The following WDR93 variants were observed in gnomAD, a reference collection of about 807,000 sequenced individuals.
The protein encoded by WDR93 is WD repeat-containing protein 93.
WDR93 carries 73 observed loss-of-function variants against 82.9 expected under a neutral mutation model. That is an observed-to-expected ratio of 0.88 (90% CI 0.73 to 1.07). The LOEUF (loss-of-function observed/expected upper bound fraction) is 1.07, where lower values mean the gene tolerates loss of function less well. Ranked by LOEUF, WDR93 falls within the 50% of genes least tolerant of loss-of-function variation. WDR93 has a pLI of 0.00. For synonymous variants in WDR93, 283 were observed against 300.1 expected (o/e 0.94, Z 0.59); for missense variants, 738 against 826.0 (o/e 0.89, Z 1.31).
intron 1 of WDR93, among the ~76,000 whole-genome samples, chr15:89,696,958 A>AGTTTGTTTGTTT (rs34170578): frequency 2.7e-4 from 40 of 150,736 alleles, no homozygotes; most frequent in African/African-American, 6.8e-4. Flanking sequence ...TAGTATTGTC[A>AGTTTGTTTGTTT]GTTTGTTTGT....
At chr15:89,709,965 C>T (rs1435292892) in intron 4 of WDR93, among the ~76,000 whole-genome samples, 1 of 152,004 alleles carries the variant, frequency 6.6e-6, no homozygotes, top group African/African-American at 2.4e-5. Context: ...ACAAGACCAT[C>T]CTGGCTAACA....
At position 89,719,808 on chromosome 15, in the gene WDR93, C is replaced by CTT. The variant is rs570342709; in HGVS notation, c.796-2238_796-2237dup. On this transcript the variant is annotated intron_variant, in intron 7 of 16. Coordinates refer to ENST00000268130, the MANE Select transcript of WDR93 (RefSeq NM_020212.2). ...CTTTCTTTCTTTTTCTTCTTTTTTT[C>CTT]TTTTTTTTTTGAGATGGAATCTCGC... Among the ~76,000 whole-genome samples the CTT allele has an allele frequency of 9.4e-4, 136 of 144,840 alleles. 1 individual carries two copies. The highest frequency in any genetic ancestry group is 3.2e-3 in the African/African-American group (125 of 39,568).
intron 5 of WDR93, among the ~76,000 whole-genome samples, chr15:89,714,617 C>T (rs992246006): frequency 3.3e-5 from 5 of 152,154 alleles, no homozygotes; most frequent in Non-Finnish European, 5.9e-5. Context: ...CCGCCATGCC[C>T]GGCCCCATAT....
In WDR93 at chr15:89,702,983, CA is replaced by C. The variant is rs1567099919; in HGVS notation, c.339del (p.Asp114ThrfsTer40). 6.2e-7 allele frequency: 1 copy of C among 1,614,114 alleles called. No individual in the cohort carries two copies. The highest frequency in any genetic ancestry group is 1.1e-5 in the South Asian group (1 of 91,072). On this transcript the variant is annotated frameshift_variant, in exon 3 of 17. Transcript: ENST00000268130. LOFTEE classifies it high-confidence loss of function. ...AATGCCAAATTGTATGGCTGTTTCC[CA>C]AGACTATGTGTTTATTGGAGGAGCC... The part of the protein sequence containing the change: ...NKMPNCMAVS[Q>X]DYVFIGGAKG...
Position 89,703,077 on chromosome 15 carries a change from A to G in WDR93, c.431A>G (p.Asp144Gly). The G allele has an allele frequency of 6.2e-7, 1 of 1,614,178 alleles. No individual in the cohort carries two copies. Among genetic ancestry groups the G allele is most frequent in the African/African-American group, 1.3e-5 (1 of 75,038 alleles). Reference protein sequence around the residue: ...QIYAWEKLKVDVTSIWATDLG... With the variant: ...QIYAWEKLKVGVTSIWATDLG... The stretch of plus-strand genomic sequence containing the variant: ...TATGCGTGGGAGAAGCTTAAGGTTG[A>G]TGTCACTTCCATCTGGGCCACAGAT... The change falls in exon 3 of 17, where the codon GAT (aspartate) becomes GGT (glycine). Residue 144 changes from aspartate (D) to glycine (G), a missense_variant. Coordinates refer to ENST00000268130, the MANE Select transcript of WDR93 (RefSeq NM_020212.2).
chr15:89,726,556 G>A (rs1596107932), intron 8 of WDR93, among the ~76,000 whole-genome samples: 1 of 152,126 alleles, frequency 6.6e-6, no homozygotes, highest in African/African-American at 2.4e-5. Flanking sequence ...TGAAACTCAG[G>A]GTGCAAATCC....
At chr15:89,710,487 T>C (rs1432892538) in intron 4 of WDR93, among the ~76,000 whole-genome samples, 1 of 152,200 alleles carries the variant, frequency 6.6e-6, no homozygotes, top group Non-Finnish European at 1.5e-5. Context: ...TAACGTCCTA[T>C]ACCTTGACAG....
chr15:89,695,813 CTTT>C (rs58664153), intron 1 of WDR93, among the ~76,000 whole-genome samples: 4 of 99,322 alleles, frequency 4.0e-5, no homozygotes, highest in Admixed American at 1.3e-4. Flanking sequence ...TCATGCTGTC[CTTT>C]TTTTTTTTTT....
At chr15:89,706,629 T>G (rs1965740020) in intron 4 of WDR93, among the ~76,000 whole-genome samples, 1 of 152,190 alleles carries the variant, frequency 6.6e-6, no homozygotes, top group Non-Finnish European at 1.5e-5. Flanking sequence ...TGATAGAGAT[T>G]TTAGATCTAA....
chr15:89,743,218 G>C, intron 16 of WDR93, 74 bp from the exon 17 acceptor site: 5 of 1,439,802 alleles, frequency 3.5e-6, no homozygotes, highest in Non-Finnish European at 4.9e-6. Flanking sequence ...CAGGGTAGTC[G>C]AGGTCTGCCC....
At chr15:89,742,261 A>G (rs1967739052) in intron 16 of WDR93, among the ~76,000 whole-genome samples, 1 of 152,142 alleles carries the variant, frequency 6.6e-6, no homozygotes, top group African/African-American at 2.4e-5. Flanking sequence ...TAATTAAATT[A>G]ATTAAAATCT....
intron 1 of WDR93, 96 bp from the exon 2 acceptor site, chr15:89,701,611 G>A: frequency 9.6e-7 from 1 of 1,037,486 alleles, no homozygotes; most frequent in Non-Finnish European, 1.4e-6. Context: ...TGTGGAATAA[G>A]CAGTCCCTAT....
intron 7 of WDR93, among the ~76,000 whole-genome samples, chr15:89,720,076 G>A (rs939982227): frequency 6.6e-6 from 1 of 151,980 alleles, no homozygotes; most frequent in African/African-American, 2.4e-5. Context: ...TGGGATTATA[G>A]GCCTGAGCAC....
chr15:89,739,619 T>C (rs1164328067), intron 16 of WDR93, among the ~76,000 whole-genome samples: 2 of 152,200 alleles, frequency 1.3e-5, no homozygotes, highest in Non-Finnish European at 2.9e-5. Flanking sequence ...ATGATTCCTT[T>C]TGGGATCTGA....
At position 89,733,115 on chromosome 15, in the gene WDR93, A is replaced by G; in HGVS notation, c.1440A>G (p.Gln480=). 3 of 1,614,234 alleles carry G rather than the reference A, an allele frequency of 1.9e-6. No homozygotes were observed. The highest frequency in any genetic ancestry group is 2.5e-6 in the Non-Finnish European group (3 of 1,180,034). ...HKGQNMYPEG[Q]VKSQMKCVVL... ...GACAGAATATGTATCCTGAAGGTCA[A>G]GTGAAATCCCAAATGAAATGTGTGG... The change falls in exon 13 of 17, where the codon CAA becomes CAG. Residue 480 remains glutamine (Q), a synonymous_variant. Transcript: ENST00000268130.
rs7178234 is a variant in WDR93 at position 89,729,025 on chromosome 15, C to T, written c.1055C>T (p.Thr352Met). The T allele has an allele frequency of 4.2e-3, 6,771 of 1,613,964 alleles. 262 individuals carry two copies. In the African/African-American group the frequency reaches 0.078, roughly 19 times the overall value. Residue 352 changes from threonine (T) to methionine (M), a missense_variant and splice_region_variant, in exon 10 of 17, where the codon ACG becomes ATG. By Grantham distance (81) the Thr-to-Met change is moderately conservative (BLOSUM62 -1). Transcript: ENST00000268130. ...DREWEEEPLSTATFYFLLPSC... is the reference protein window; with the variant it reads ...DREWEEEPLSMATFYFLLPSC... Reference sequence around the variant, plus strand: ...ACTCGTGTGTCTTTCTTTCCCAGTACGGCCACCTTCTATTTCCTTCTTCCT... The same window carrying T: ...ACTCGTGTGTCTTTCTTTCCCAGTATGGCCACCTTCTATTTCCTTCTTCCT...
intron 5 of WDR93, 76 bp from the exon 6 acceptor site, chr15:89,714,904 G>T: frequency 7.9e-7 from 1 of 1,272,092 alleles, no homozygotes; most frequent in East Asian, 2.4e-5. Flanking sequence ...GTTCTAAGAA[G>T]AAGACAGGCC....
intron 1 of WDR93, 105 bp from the exon 2 acceptor site, chr15:89,701,601 TG>T: frequency 1.1e-6 from 1 of 941,774 alleles, no homozygotes; most frequent in Non-Finnish European, 1.6e-6. Flanking sequence ...AATGCCAGTC[TG>T]TGGAATAAGC....
chr15:89,730,749 G>C (rs1366003916), intron 11 of WDR93, among the ~76,000 whole-genome samples: 1 of 152,040 alleles, frequency 6.6e-6, no homozygotes, highest in Non-Finnish European at 1.5e-5. Flanking sequence ...AGCCAAGCGT[G>C]GCAGCATGAG....
Sources: allele counts gnomAD v4.1 joint callset (sites outside exome capture counted in the v4.1 genomes callset), GRCh38; gene constraint gnomAD v4.1.1; transcripts MANE v1.5; gene names NCBI Gene and HGNC (gene_info 2026-07-23, HGNC 2026-07-21).